Variants in GLP2R observed in about 807,000 individuals in gnomAD.
GLP2R encodes the protein glucagon like peptide 2 receptor, also known as glucagon-like peptide 2 receptor.
Under a neutral mutation model 68.2 loss-of-function variants are expected in GLP2R, and 59 were observed. The ratio of observed to expected loss-of-function variants is 0.87; its 90% CI spans 0.70 to 1.07. GLP2R has a LOEUF of 1.07. Ranked by LOEUF, GLP2R falls within the 50% of genes least tolerant of loss-of-function variation. The pLI is 0.00. For missense variants in GLP2R, 548 were observed against 677.4 expected, an observed-to-expected ratio of 0.81 and a Z score of 2.12; for synonymous variants, 270 against 265.4, an observed-to-expected ratio of 1.02 and a Z score of -0.17.
At chr17:9,852,091 A>G (rs926642639) in intron 4 of GLP2R, among the ~76,000 whole-genome samples, 1 of 149,810 alleles carries the variant, frequency 6.7e-6, no homozygotes, top group Non-Finnish European at 1.5e-5. Context: ...TCTGGGATAC[A>G]TGTGCAGAAC....
At chr17:9,872,002 C>T (rs577854396) in intron 10 of GLP2R, among the ~76,000 whole-genome samples, 7 of 152,212 alleles carry the variant, frequency 4.6e-5, no homozygotes, top group Non-Finnish European at 7.4e-5. Flanking sequence ...GGATTACAGG[C>T]GTGAGCCACC....
intron 2 of GLP2R, among the ~76,000 whole-genome samples, chr17:9,835,964 G>A (rs533726245): frequency 6.7e-6 from 1 of 150,318 alleles, no homozygotes; most frequent in East Asian, 2.0e-4. Flanking sequence ...GCTTGAGCCT[G>A]GGACGTGGAG....
intron 4 of GLP2R, among the ~76,000 whole-genome samples, chr17:9,851,585 T>C (rs1210672608): frequency 1.3e-5 from 2 of 152,058 alleles, no homozygotes; most frequent in Non-Finnish European, 2.9e-5. Context: ...ATGAAGTCCA[T>C]AGAGAATAAT....
rs1010891454 is a variant in GLP2R, at chr17:9,846,124, G to A, written c.504+3508G>A. 3.3e-5 allele frequency among the ~76,000 whole-genome samples: 5 copies of A among 152,022 alleles called. No homozygotes were observed. The East Asian group carries it at 9.6e-4, about 29-fold the overall frequency. On this transcript the variant is annotated intron_variant, in intron 4 of 12. Transcript: ENST00000262441. ...ATATGTCAATACTGTTTTCATCACG[G>A]TTTCAACTTAAAGTTGAAAATCAAG...
chr17:9,876,521 A>G (rs1433143971), intron 10 of GLP2R, among the ~76,000 whole-genome samples: 8 of 152,248 alleles, frequency 5.3e-5, no homozygotes, highest in Non-Finnish European at 1.0e-4. Flanking sequence ...CTGTTTGTAC[A>G]GATTCTTGTG....
At chr17:9,853,136 G>T in intron 4 of GLP2R, 1 of 495,884 alleles carries the variant, frequency 2.0e-6, no homozygotes, top group South Asian at 1.9e-5. Context: ...CGTCAACAAT[G>T]TGCAATCATG....
chr17:9,887,309 C>T (rs12150503), intron 11 of GLP2R, among the ~76,000 whole-genome samples: 31,632 of 151,920 alleles, frequency 0.21, 4,265 homozygotes, highest in Non-Finnish European at 0.31. Context: ...GGCGGGTCAC[C>T]TGAGGTCAGG....
Position 9,836,487 on chromosome 17 carries a change from T to C in GLP2R, c.382+12T>C. Reference sequence around the variant, plus strand: ...TTGGTGGAGTGAAGGTAATAAGTCTTATTTTTACCAATTTTCCCCAACCAA... The same window carrying C: ...TTGGTGGAGTGAAGGTAATAAGTCTCATTTTTACCAATTTTCCCCAACCAA... On this transcript the variant is annotated intron_variant, in intron 3 of 12. Coordinates refer to ENST00000262441, the MANE Select transcript of GLP2R (RefSeq NM_004246.3). 1.0e-5 allele frequency: 15 copies of C among 1,507,028 alleles called. No individual in the cohort carries two copies. Among genetic ancestry groups the C allele is most frequent in the Non-Finnish European group, 1.2e-5 (13 of 1,082,340 alleles). The allele number at this position is 1,507,028 out of a possible 1,614,324, so 93.4% of individuals were successfully genotyped here. A position where few individuals can be genotyped will look rare whatever the true frequency, so the allele number is the denominator to read the frequency against.
Position 9,889,648 on chromosome 17 carries a change from G to C in GLP2R, c.1605G>C (p.Glu535Asp). The change falls in exon 13 of 13, where the codon GAG becomes GAC. Residue 535 changes from glutamate to aspartate, a missense_variant. By Grantham distance (45) the Glu-to-Asp change is conservative. Transcript: ENST00000262441. ...GCAGCAGCCTGTCCGAGTGCAGTGAGGGGGATGTCACCATGGCCAACACCA... is the reference window on the plus strand; with the variant it reads ...GCAGCAGCCTGTCCGAGTGCAGTGACGGGGATGTCACCATGGCCAACACCA... ...PRGSSLSECS[E>D]GDVTMANTME... is the part of the protein sequence containing the mutation. 1 of 1,609,872 alleles carries C rather than the reference G, an allele frequency of 6.2e-7. No individual in the cohort carries two copies. Among genetic ancestry groups the C allele is most frequent in the Non-Finnish European group, 8.5e-7 (1 of 1,177,178 alleles).
At chr17:9,855,103 GT>G (rs2066923655) in intron 5 of GLP2R, among the ~76,000 whole-genome samples, 1 of 152,132 alleles carries the variant, frequency 6.6e-6, no homozygotes, top group African/African-American at 2.4e-5. Context: ...TTGACTGCAG[GT>G]AACTAAAACA....
intron 10 of GLP2R, among the ~76,000 whole-genome samples, chr17:9,872,501 C>T (rs892813638): frequency 3.9e-5 from 6 of 152,162 alleles, no homozygotes; most frequent in East Asian, 1.9e-4. Flanking sequence ...CACTTGAATT[C>T]GGGAGGCGGA....
intron 9 of GLP2R, among the ~76,000 whole-genome samples, chr17:9,867,592 CTAGTCTCCCCAGCCCTCAG>C (rs1246822069): frequency 6.6e-6 from 1 of 152,176 alleles, no homozygotes; most frequent in Non-Finnish European, 1.5e-5. Flanking sequence ...TTCTTACAGC[CTAGTCTCCCCAGCCCTCAG>C]TAGAATATTG....
intron 6 of GLP2R, 93 bp from the exon 7 acceptor site, chr17:9,859,849 G>GT: frequency 2.0e-6 from 1 of 509,530 alleles, no homozygotes; most frequent in Non-Finnish European, 3.3e-6. Context: ...AAAAAAAAGA[G>GT]GGAGAGGTTG....
At position 9,861,204 on chromosome 17, in the gene GLP2R, G is replaced by A. The variant is rs1423398269; in HGVS notation, c.986+5G>A. On this transcript the variant is annotated splice_donor_5th_base_variant and intron_variant, in intron 8 of 12. Coordinates refer to ENST00000262441, the MANE Select transcript of GLP2R (RefSeq NM_004246.3). ...TGCACACCTGGAGAACACAGGGTAG[G>A]TAATTCACCAGGTGTTATTCTTTCA... 2 of 1,594,710 alleles carry A rather than the reference G, an allele frequency of 1.3e-6. No homozygotes were observed. The highest frequency in any genetic ancestry group is 1.7e-6 in the Non-Finnish European group (2 of 1,163,188).
At chr17:9,879,807 A>T (rs2152047887) in intron 10 of GLP2R, among the ~76,000 whole-genome samples, 1 of 152,318 alleles carries the variant, frequency 6.6e-6, no homozygotes, top group African/African-American at 2.4e-5. Context: ...GTTAAGGGGC[A>T]ACATGAGGGC....
intron 11 of GLP2R, 24 bp downstream of exon 11, chr17:9,880,540 T>C (rs1191914664): frequency 1.3e-6 from 2 of 1,521,448 alleles, no homozygotes. Flanking sequence ...TGAACCAAAA[T>C]GCCTTGACTT....
chr17:9,867,899 C>T (rs2067054722), intron 9 of GLP2R, among the ~76,000 whole-genome samples: 1 of 152,218 alleles, frequency 6.6e-6, no homozygotes, highest in African/African-American at 2.4e-5. Flanking sequence ...TTTAGGTCCT[C>T]TGCCCCACCA....
chr17:9,836,291 T>C, intron 2 of GLP2R, 80 bp from the exon 3 acceptor site: 1 of 929,970 alleles, frequency 1.1e-6, no homozygotes, highest in Non-Finnish European at 1.8e-6. Flanking sequence ...GAAGGTGGGC[T>C]CCCACGGTGC....
At chr17:9,835,393 C>T (rs1283810107) in intron 2 of GLP2R, among the ~76,000 whole-genome samples, 2 of 152,020 alleles carry the variant, frequency 1.3e-5, no homozygotes, top group Non-Finnish European at 2.9e-5. Flanking sequence ...CATTTGATTC[C>T]AGGAGGCCCA....
Sources: gnomAD v4.1 joint callset for allele counts (sites outside exome capture counted in the v4.1 genomes callset) on GRCh38, gnomAD v4.1.1 for gene constraint, MANE v1.5 for transcripts, NCBI Gene and HGNC (gene_info 2026-07-23, HGNC 2026-07-21) for gene names.